NTSR1: variants seen among roughly 807,000 people sequenced by gnomAD.
NTSR1 encodes neurotensin receptor 1.
NTSR1 carries 29 observed loss-of-function variants against 31.2 expected under a neutral mutation model. That is an observed-to-expected ratio of 0.93 (90% CI 0.69 to 1.27). The LOEUF is 1.27. Ranked by LOEUF, NTSR1 falls within the 50% of genes most tolerant of loss-of-function variation. NTSR1 has a pLI of 0.00. For synonymous variants in NTSR1, 282 were observed against 269.9 expected (o/e 1.04, Z -0.44); for missense variants, 697 against 595.4 (o/e 1.17, Z -1.78).
At chr20:62,753,313 G>A (rs780247263) in intron 1 of NTSR1, among the ~76,000 whole-genome samples, 1 of 152,190 alleles carries the variant, frequency 6.6e-6, no homozygotes, top group Non-Finnish European at 1.5e-5. Flanking sequence ...CATGGCCACC[G>A]CCGCCTTCAT....
chr20:62,722,637 G>C (rs137991950), intron 1 of NTSR1, among the ~76,000 whole-genome samples: 23 of 152,134 alleles, frequency 1.5e-4, no homozygotes, highest in Admixed American at 1.3e-3. Context: ...CGTTCTGCCC[G>C]GACCTCAGCT....
intron 1 of NTSR1, among the ~76,000 whole-genome samples, chr20:62,746,165 C>T (rs537742023): frequency 1.3e-3 from 192 of 152,284 alleles, no homozygotes; most frequent in Non-Finnish European, 2.2e-3. Context: ...CAGGCCCCCA[C>T]ACTACCCCAG....
In NTSR1 at chr20:62,711,736, C is replaced by T. The variant is rs118042185; in HGVS notation, c.714+1815C>T. Among the ~76,000 whole-genome samples the T allele has an allele frequency of 0.038, 5,796 of 152,302 alleles. 146 individuals carry two copies. The highest frequency in any genetic ancestry group is 0.059 in the Non-Finnish European group (4,001 of 68,000). On this transcript the variant is annotated intron_variant, in intron 1 of 3. Transcript: ENST00000370501. This position sits in a 1 kb window ranked among gnomAD's most constrained non-coding sequence, Gnocchi z 6.4. The stretch of plus-strand genomic sequence containing the variant: ...CTCCGCCCCCCGGAAAGTGTCCTCC[C>T]CGCGTGCGTGGGCTCTCTGCCAGGT...
At chr20:62,724,421 AG>A (rs1244567808) in intron 1 of NTSR1, among the ~76,000 whole-genome samples, 1 of 112,498 alleles carries the variant, frequency 8.9e-6, no homozygotes, top group Non-Finnish European at 1.9e-5. Context: ...GGGTAATTGC[AG>A]GGCACTCAGA....
In NTSR1 at chr20:62,709,897, T is replaced by C. The variant is rs1988572851; in HGVS notation, c.690T>C (p.Thr230=). Residue 230 remains threonine (T), a synonymous_variant, in exon 1 of 4, where the codon ACT becomes ACC. Transcript: ENST00000370501. ...GGLVCTPTIH[T]ATVKVVIQVN... ...TGGTGTGCACCCCCACCATCCACAC[T>C]GCCACCGTCAAGGTCGTCATACAGG... is the stretch of plus-strand genomic sequence containing the variant. 1 of 1,597,772 alleles carries C rather than the reference T, an allele frequency of 6.3e-7. No homozygotes were observed. Among genetic ancestry groups the C allele is most frequent in the South Asian group, 1.1e-5 (1 of 90,392 alleles).
rs146138729 is a variant in NTSR1, at chr20:62,754,763, G to A, written c.793G>A (p.Val265Ile). ...LNTIIANKLT[V>I]MVRQAAEQGQ... ...CACCATCATCGCCAACAAGCTGACC[G>A]TCATGGTACGCCAGGCGGCCGAGCA... is the stretch of plus-strand genomic sequence containing the variant. The change falls in exon 2 of 4, where the codon GTC becomes ATC. Residue 265 changes from valine (V) to isoleucine (I), a missense_variant. Physicochemically the swap from Val to Ile is conservative, Grantham distance 29. Coordinates refer to ENST00000370501, the MANE Select transcript of NTSR1 (RefSeq NM_002531.3). The A allele has an allele frequency of 3.8e-4, 620 of 1,612,612 alleles. 1 individual carries two copies. The highest frequency in any genetic ancestry group is 4.8e-4 in the Non-Finnish European group (564 of 1,179,804).
At chr20:62,747,771 C>CA (rs59083716) in intron 1 of NTSR1, among the ~76,000 whole-genome samples, 18 of 151,186 alleles carry the variant, frequency 1.2e-4, no homozygotes, top group South Asian at 2.1e-4. Context: ...AAAACAAAAA[C>CA]AAAAAAAAAC....
intron 1 of NTSR1, among the ~76,000 whole-genome samples, chr20:62,735,005 G>C (rs1989064201): frequency 6.6e-6 from 1 of 152,196 alleles, no homozygotes; most frequent in South Asian, 2.1e-4. Flanking sequence ...TCCCCTTGGG[G>C]TGGGGTGCCG....
rs187220161 is a variant in NTSR1, at chr20:62,748,239, A to T, written c.715-6446A>T. Among the ~76,000 whole-genome samples, 255 of 152,300 alleles carry T rather than the reference A, an allele frequency of 1.7e-3. 1 individual carries two copies. Among genetic ancestry groups the T allele is most frequent in the African/African-American group, 5.9e-3 (247 of 41,550 alleles). On this transcript the variant is annotated intron_variant, in intron 1 of 3. Coordinates refer to ENST00000370501, the MANE Select transcript of NTSR1 (RefSeq NM_002531.3). ...CAAAAAGAGTAAATTTAATCAAGGA[A>T]GTAAAAGACCTGTACACTGAATATA...
chr20:62,747,487 G>A (rs887830615), intron 1 of NTSR1, among the ~76,000 whole-genome samples: 1 of 133,686 alleles, frequency 7.5e-6, no homozygotes, highest in Non-Finnish European at 1.6e-5. Context: ...GGCCACGTAT[G>A]ACAGTCCCAC....
Position 62,709,104 on chromosome 20 carries a change from C to A in NTSR1, c.-104C>A. ...CCCGCTGGTCTTCGCCACGCGCCCTCCCCTGGGCTCCCGTTCATCGGTCCC... is the reference window on the plus strand; with the variant it reads ...CCCGCTGGTCTTCGCCACGCGCCCTACCCTGGGCTCCCGTTCATCGGTCCC... On this transcript the variant is annotated 5_prime_UTR_variant, in exon 1 of 4. Coordinates refer to ENST00000370501, the MANE Select transcript of NTSR1 (RefSeq NM_002531.3). The A allele has an allele frequency of 1.0e-6, 1 of 971,562 alleles. No individual in the cohort carries two copies. Among genetic ancestry groups the A allele is most frequent in the Admixed American group, 4.2e-5 (1 of 24,050 alleles). The allele number at this position is 971,562 out of a possible 1,614,324, so 60.2% of individuals were successfully genotyped here.
At chr20:62,717,425 G>A (rs1234452424) in intron 1 of NTSR1, among the ~76,000 whole-genome samples, 1 of 152,190 alleles carries the variant, frequency 6.6e-6, no homozygotes, top group African/African-American at 2.4e-5. Context: ...TGGCTGGCTT[G>A]CCAGAACCCA....
chr20:62,740,254 C>T (rs1363380923), intron 1 of NTSR1, among the ~76,000 whole-genome samples: 1 of 152,212 alleles, frequency 6.6e-6, no homozygotes, highest in East Asian at 1.9e-4. Context: ...CAAACCGGAT[C>T]GAACGGGCTC....
intron 2 of NTSR1, among the ~76,000 whole-genome samples, chr20:62,757,512 G>A (rs1989531189): frequency 1.3e-5 from 2 of 152,194 alleles, no homozygotes; most frequent in Admixed American, 6.5e-5. Context: ...TTACAAGATT[G>A]TTTTGGCTGT....
Position 62,758,470 on chromosome 20 carries a change from TC to T in NTSR1, c.1007+119del. 1 of 928,868 alleles carries T rather than the reference TC, an allele frequency of 1.1e-6. No homozygotes were observed. Among genetic ancestry groups the T allele is most frequent in the Non-Finnish European group, 1.7e-6 (1 of 599,488 alleles). 57.5% of individuals were successfully genotyped at this position (928,868 alleles called of 1,614,324 possible). ...CCACTCAGGGCAGGGGTGTGGTGAG[TC>T]CCCCGGCGACCCCCTGGGCAGGGTT... On this transcript the variant is annotated intron_variant, in intron 3 of 3. Coordinates refer to ENST00000370501, the MANE Select transcript of NTSR1 (RefSeq NM_002531.3). The surrounding 1 kb of genome is among the most constrained non-coding windows in gnomAD (Gnocchi z 4.5).
At chr20:62,748,175 C>CAAAAA (rs34449464) in intron 1 of NTSR1, among the ~76,000 whole-genome samples, 1 of 78,892 alleles carries the variant, frequency 1.3e-5, no homozygotes, top group Non-Finnish European at 3.0e-5. Flanking sequence ...GAATCTGTCT[C>CAAAAA]AAAAAAAAAA....
In NTSR1 at chr20:62,743,396, AG is replaced by A. The variant is rs1452841408; in HGVS notation, c.715-11286del. 7.9e-5 allele frequency among the ~76,000 whole-genome samples: 12 copies of A among 152,040 alleles called. No individual in the cohort carries two copies. The highest frequency in any genetic ancestry group is 7.9e-4 in the Admixed American group (12 of 15,280). The stretch of plus-strand genomic sequence containing the variant: ...GCAGTTCGGGGTCATGAGAACCCTG[AG>A]GGTTGCTCCCAAGTCAGTGTTTGCT... On this transcript the variant is annotated intron_variant, in intron 1 of 3. Transcript: ENST00000370501. This position sits in a 1 kb window ranked among gnomAD's most constrained non-coding sequence, Gnocchi z 7.5.
intron 3 of NTSR1, among the ~76,000 whole-genome samples, chr20:62,759,084 CT>C (rs1452332679): frequency 6.6e-6 from 1 of 152,230 alleles, no homozygotes; most frequent in Non-Finnish European, 1.5e-5. Flanking sequence ...TTGGGGCCCA[CT>C]TGTGAACCCT....
At position 62,744,285 on chromosome 20, in the gene NTSR1, T is replaced by C. The variant is rs1394756746; in HGVS notation, c.715-10400T>C. On this transcript the variant is annotated intron_variant, in intron 1 of 3. Transcript: ENST00000370501. This position sits in a 1 kb window ranked among gnomAD's most constrained non-coding sequence, Gnocchi z 4.1. ...AATGAGGCTGAGGGGCTGGACGCAG[T>C]GGCTCGTGTTTGTAATCCCAGCACT... Among the ~76,000 whole-genome samples, 2 of 152,168 alleles carry C rather than the reference T, an allele frequency of 1.3e-5. No homozygotes were observed. The highest frequency in any genetic ancestry group is 4.8e-5 in the African/African-American group (2 of 41,450).
Sources: allele counts gnomAD v4.1 joint callset (sites outside exome capture counted in the v4.1 genomes callset), GRCh38; gene constraint gnomAD v4.1.1; non-coding constraint Gnocchi (gnomAD v3.1); transcripts MANE v1.5; gene names NCBI Gene and HGNC (gene_info 2026-07-23, HGNC 2026-07-21).